ATE1: variants seen among roughly 807,000 people sequenced by gnomAD.
ATE1 encodes arginyl-tRNA--protein transferase 1.
In ATE1, 36 loss-of-function variants were observed where a neutral mutation model predicts 70.5. That is an observed-to-expected ratio of 0.51 (90% CI 0.39 to 0.67). ATE1 has a LOEUF of 0.67. Among genes scored for constraint, ATE1 ranks in the 30% least tolerant of loss-of-function variants. The pLI is 0.00. For synonymous variants in ATE1, 232 were observed against 219.3 expected (o/e 1.06, Z -0.51); for missense variants, 593 against 629.5 (o/e 0.94, Z 0.62).
chr10:121,825,144 TATA>T (rs1435839963), intron 10 of ATE1, among the ~76,000 whole-genome samples: 4 of 151,664 alleles, frequency 2.6e-5, no homozygotes, highest in African/African-American at 7.2e-5. Flanking sequence ...TATTAAGTTA[TATA>T]ATAATTTATT....
At chr10:121,921,603 T>C (rs560605239) in intron 3 of ATE1, among the ~76,000 whole-genome samples, 65 of 152,160 alleles carry the variant, frequency 4.3e-4, no homozygotes, top group African/African-American at 1.6e-3. Context: ...GAAGCCTGAG[T>C]AGGCCTGAAC....
intron 10 of ATE1, among the ~76,000 whole-genome samples, chr10:121,835,460 C>A (rs966607222): frequency 2.4e-5 from 3 of 125,992 alleles, no homozygotes; most frequent in African/African-American, 9.5e-5. Context: ...GTGAATTATT[C>A]CTTTGTAAGA....
chr10:121,851,333 T>A (rs1444904756), intron 8 of ATE1, among the ~76,000 whole-genome samples: 2 of 152,044 alleles, frequency 1.3e-5, no homozygotes, highest in Non-Finnish European at 2.9e-5. Flanking sequence ...GGTGGGAGGA[T>A]CACTTGAGCC....
At chr10:121,828,280 C>G (rs1427646577) in intron 10 of ATE1, among the ~76,000 whole-genome samples, 1 of 152,184 alleles carries the variant, frequency 6.6e-6, no homozygotes, top group Non-Finnish European at 1.5e-5. Context: ...CACTTTCATA[C>G]CTACACCATG....
intron 7 of ATE1, among the ~76,000 whole-genome samples, chr10:121,885,567 C>CCA (rs1950365802): frequency 1.0e-5 from 1 of 96,096 alleles, no homozygotes; most frequent in Non-Finnish European, 1.9e-5. Context: ...GACTCCGTCT[C>CCA]AAAAAAAAAA....
At chr10:121,820,019 G>A (rs894242906) in intron 10 of ATE1, among the ~76,000 whole-genome samples, 1 of 151,990 alleles carries the variant, frequency 6.6e-6, no homozygotes, top group Non-Finnish European at 1.5e-5. Context: ...GGTGGAATGC[G>A]CCTGTAATTC....
In ATE1 at chr10:121,741,813, T is replaced by A. The variant is rs1199375055; in HGVS notation, c.*1867A>T. The A allele has an allele frequency of 8.5e-5, 13 of 152,386 alleles. No homozygotes were observed. The South Asian group carries it at 2.7e-3, about 32-fold the overall frequency. The allele number at this position is 152,386 out of a possible 1,614,324, so 9.4% of individuals were successfully genotyped here. A position where few individuals can be genotyped will look rare whatever the true frequency, so the allele number is the denominator to read the frequency against. On this transcript the variant is annotated 3_prime_UTR_variant, in exon 12 of 12. Transcript: ENST00000224652. Reference sequence around the variant, plus strand: ...AGCATGTAGAACATAATTCTATTTATATTAAAATTACATAGGTATGTGTGT... The same window carrying A: ...AGCATGTAGAACATAATTCTATTTAAATTAAAATTACATAGGTATGTGTGT...
chr10:121,914,389 G>C (rs1202090974), intron 3 of ATE1, among the ~76,000 whole-genome samples: 2 of 150,158 alleles, frequency 1.3e-5, no homozygotes, highest in Admixed American at 6.6e-5. Flanking sequence ...TTTTTAAAGA[G>C]AGAAAGACAT....
At chr10:121,870,398 A>G (rs1949809862) in intron 7 of ATE1, among the ~76,000 whole-genome samples, 2 of 152,350 alleles carry the variant, frequency 1.3e-5, no homozygotes, top group South Asian at 4.1e-4. Context: ...CCTAAATTTG[A>G]CAGGCAAAGT....
At chr10:121,837,126 T>C (rs1164884320) in intron 9 of ATE1, among the ~76,000 whole-genome samples, 2 of 152,228 alleles carry the variant, frequency 1.3e-5, no homozygotes, top group African/African-American at 4.8e-5. Context: ...TTATTCATCA[T>C]GCCCTATGGT....
chr10:121,835,784 G>A (rs962502917), intron 10 of ATE1, among the ~76,000 whole-genome samples: 3 of 152,170 alleles, frequency 2.0e-5, no homozygotes, highest in African/African-American at 7.2e-5. Flanking sequence ...TAATTCAAGA[G>A]AGGGTGGAGG....
At chr10:121,790,045 C>CACAT in intron 11 of ATE1, 124 bp downstream of exon 11, 1 of 1,393,976 alleles carries the variant, frequency 7.2e-7, no homozygotes, top group East Asian at 2.3e-5. Flanking sequence ...CACACACACA[C>CACAT]TCATGCACAG....
At chr10:121,826,007 CAT>C (rs1398302175) in intron 10 of ATE1, among the ~76,000 whole-genome samples, 4 of 152,178 alleles carry the variant, frequency 2.6e-5, no homozygotes, top group African/African-American at 7.2e-5. Context: ...AAGAAATTGA[CAT>C]ATGTGACAAC....
At chr10:121,908,252 C>T (rs1951280582) in intron 5 of ATE1, among the ~76,000 whole-genome samples, 2 of 152,116 alleles carry the variant, frequency 1.3e-5, no homozygotes, top group Non-Finnish European at 2.9e-5. Flanking sequence ...TCCTGTAATC[C>T]CAGTACTTTG....
upstream of ATE1, chr10:121,928,092 C>T (rs1289422818): frequency 1.6e-6 from 2 of 1,214,576 alleles, no homozygotes; most frequent in East Asian, 3.4e-5. Context: ...CCGGCCGGCC[C>T]GGCGCCTCTT....
intron 7 of ATE1, among the ~76,000 whole-genome samples, chr10:121,882,197 CTTCT>C (rs147262213): frequency 0.14 from 20,881 of 152,086 alleles, 1,542 homozygotes; most frequent in East Asian, 0.18. Context: ...TTGAATATTA[CTTCT>C]TTTTTTATTT....
chr10:121,867,184 T>C (rs1020225760), intron 8 of ATE1, among the ~76,000 whole-genome samples: 2 of 152,174 alleles, frequency 1.3e-5, no homozygotes, highest in Non-Finnish European at 2.9e-5. Flanking sequence ...ATTCTACCTA[T>C]ACTAAGAATG....
At chr10:121,824,441 C>A (rs1947925693) in intron 10 of ATE1, among the ~76,000 whole-genome samples, 1 of 152,164 alleles carries the variant, frequency 6.6e-6, no homozygotes, top group Admixed American at 6.5e-5. Context: ...ATTTTGCAGA[C>A]GCAGCTCTGT....
At chr10:121,750,219 A>G (rs1306501072) in intron 11 of ATE1, among the ~76,000 whole-genome samples, 2 of 152,238 alleles carry the variant, frequency 1.3e-5, no homozygotes, top group African/African-American at 4.8e-5. Flanking sequence ...GAACCCACAC[A>G]GCACAACAGG....
Sources: gnomAD v4.1 joint callset for allele counts (sites outside exome capture counted in the v4.1 genomes callset) on GRCh38, gnomAD v4.1.1 for gene constraint, MANE v1.5 for transcripts, NCBI Gene and HGNC (gene_info 2026-07-23, HGNC 2026-07-21) for gene names.